Variants in ZHX2 observed in about 807,000 individuals in gnomAD.
ZHX2 encodes zinc fingers and homeoboxes 2, also known as zinc fingers and homeoboxes protein 2.
A neutral mutation model predicts 21.9 loss-of-function variants in ZHX2; 6 were observed. The observed-to-expected ratio is 0.27, with a 90% confidence interval of 0.15 to 0.54. The LOEUF is 0.54. ZHX2 is among the 20% of genes least tolerant of loss of function. The pLI, the probability that ZHX2 is intolerant of heterozygous loss-of-function variation, is 0.95. For synonymous variants in ZHX2, 434 were observed against 437.1 expected (o/e 0.99, Z 0.09); for missense variants, 908 against 1,090.7 (o/e 0.83, Z 2.36).
At chr8:122,938,199 C>T (rs1007034595) in intron 2 of ZHX2, among the ~76,000 whole-genome samples, 1 of 152,090 alleles carries the variant, frequency 6.6e-6, no homozygotes, top group Non-Finnish European at 1.5e-5. Context: ...TCCCAAAGTG[C>T]CGGGATTACA....
At chr8:122,845,854 C>G (rs1818738933) in intron 1 of ZHX2, among the ~76,000 whole-genome samples, 1 of 152,226 alleles carries the variant, frequency 6.6e-6, no homozygotes, top group Non-Finnish European at 1.5e-5. Flanking sequence ...GAAAGAGCCA[C>G]AACACATAGG....
chr8:122,949,636 G>C (rs4870832), intron 2 of ZHX2, among the ~76,000 whole-genome samples: 1 of 151,962 alleles, frequency 6.6e-6, no homozygotes, highest in Non-Finnish European at 1.5e-5. Context: ...TTGAGCCCAG[G>C]TGTTGGAGAC....
At chr8:122,943,759 G>A (rs1472192647) in intron 2 of ZHX2, among the ~76,000 whole-genome samples, 2 of 152,188 alleles carry the variant, frequency 1.3e-5, no homozygotes, top group Non-Finnish European at 2.9e-5. Flanking sequence ...TGTCTGGTTT[G>A]AGGGTTTGTT....
At chr8:122,945,633 T>C (rs1170719044) in intron 2 of ZHX2, among the ~76,000 whole-genome samples, 2 of 152,120 alleles carry the variant, frequency 1.3e-5, no homozygotes, top group Admixed American at 6.5e-5. Context: ...ATCGTTTCCA[T>C]GTAACATGCA....
intron 2 of ZHX2, among the ~76,000 whole-genome samples, chr8:122,917,751 T>C (rs1307979925): frequency 1.3e-5 from 2 of 152,186 alleles, no homozygotes; most frequent in African/African-American, 4.8e-5. Context: ...AAAAAATCAC[T>C]ATCAAGCCTG....
rs142856612 is a variant in ZHX2 at position 122,880,116 on chromosome 8, G to A, written c.-220+16577G>A. On this transcript the variant is annotated intron_variant, in intron 2 of 3. Coordinates refer to ENST00000314393, the MANE Select transcript of ZHX2 (RefSeq NM_014943.5). Reference sequence around the variant, plus strand: ...GCCTCCCGAGTACCTGGGATTACAGGTGCCGCCACCAAACCTGGCTAATTT... The same window carrying A: ...GCCTCCCGAGTACCTGGGATTACAGATGCCGCCACCAAACCTGGCTAATTT... 8.6e-3 allele frequency among the ~76,000 whole-genome samples: 1,314 copies of A among 151,934 alleles called. 34 individuals carry two copies. Among genetic ancestry groups the A allele is most frequent in the Admixed American group, 0.046 (704 of 15,256 alleles).
intron 1 of ZHX2, among the ~76,000 whole-genome samples, chr8:122,814,673 T>C (rs1817995751): frequency 6.6e-6 from 1 of 152,240 alleles, no homozygotes; most frequent in Non-Finnish European, 1.5e-5. Flanking sequence ...GAGCAGGTTC[T>C]TCTCTAGCTC....
chr8:122,846,799 A>G (rs1937654713), intron 1 of ZHX2, among the ~76,000 whole-genome samples: 1 of 152,114 alleles, frequency 6.6e-6, no homozygotes, highest in Admixed American at 6.6e-5. Flanking sequence ...AACAATAGGC[A>G]TTTGTAGAGT....
At chr8:122,933,866 T>A (rs1812611129) in intron 2 of ZHX2, among the ~76,000 whole-genome samples, 1 of 152,192 alleles carries the variant, frequency 6.6e-6, no homozygotes, top group African/African-American at 2.4e-5. Flanking sequence ...TACACACTAA[T>A]TTCAGCTTTA....
chr8:122,885,426 G>A (rs143562870), intron 2 of ZHX2, among the ~76,000 whole-genome samples: 4 of 152,028 alleles, frequency 2.6e-5, no homozygotes, highest in South Asian at 2.1e-4. Context: ...CCATCGGGAC[G>A]GTGGACACCT....
intron 2 of ZHX2, among the ~76,000 whole-genome samples, chr8:122,929,604 C>T (rs1360572265): frequency 1.3e-5 from 2 of 150,204 alleles, no homozygotes; most frequent in African/African-American, 4.9e-5. Context: ...GATTGTGCAA[C>T]TGTGCTCCAG....
At chr8:122,959,627 A>AT (rs1226498770) in intron 3 of ZHX2, among the ~76,000 whole-genome samples, 1 of 151,934 alleles carries the variant, frequency 6.6e-6, no homozygotes, top group Admixed American at 6.6e-5. Flanking sequence ...GCTTGTCCTC[A>AT]TTTTTTTCCC....
intron 2 of ZHX2, among the ~76,000 whole-genome samples, chr8:122,875,193 A>G (rs1299464028): frequency 1.6e-5 from 1 of 61,446 alleles, no homozygotes; most frequent in African/African-American, 5.8e-5. Flanking sequence ...ATATATATAT[A>G]TCCTTTTACT....
At chr8:122,944,750 G>T (rs1256657472) in intron 2 of ZHX2, among the ~76,000 whole-genome samples, 1 of 152,214 alleles carries the variant, frequency 6.6e-6, no homozygotes, top group Non-Finnish European at 1.5e-5. Context: ...CCATTGAAGG[G>T]TGTCTAGATG....
In ZHX2 at chr8:122,973,292, A is replaced by C. The variant is rs954118360; in HGVS notation, c.*55A>C. On this transcript the variant is annotated 3_prime_UTR_variant, in exon 4 of 4. Coordinates refer to ENST00000314393, the MANE Select transcript of ZHX2 (RefSeq NM_014943.5). ...GATCAACGGGACGCTCCGTCTTTGA[A>C]GAAAGAAGAGATGGTCTCTCCCCAG... The C allele has an allele frequency of 1.3e-5, 2 of 152,698 alleles. No homozygotes were observed. Among genetic ancestry groups the C allele is most frequent in the South Asian group, 4.1e-4 (2 of 4,830 alleles). 9.5% of individuals were successfully genotyped at this position (152,698 alleles called of 1,614,324 possible).
chr8:122,851,188 C>T (rs1236347114), intron 1 of ZHX2, among the ~76,000 whole-genome samples: 3 of 152,016 alleles, frequency 2.0e-5, no homozygotes, highest in East Asian at 1.9e-4. Context: ...GCAGACAGAA[C>T]GGCCAAGATT....
At position 122,951,592 on chromosome 8, in the gene ZHX2, G is replaced by C. The variant is rs1275837535; in HGVS notation, c.82G>C (p.Asp28His). Residue 28 changes from aspartate (D) to histidine (H), a missense_variant, in exon 3 of 4, where the codon GAC becomes CAC. Transcript: ENST00000314393. ...VVEQDVPEEV[D>H]RAKEKGIGTP... ...AGAACAAGATGTGCCCGAGGAAGTA[G>C]ACAGGGCCAAAGAGAAAGGAATCGG... is the stretch of plus-strand genomic sequence containing the variant. The C allele has an allele frequency of 2.5e-6, 4 of 1,613,986 alleles. 1 individual carries two copies. Among genetic ancestry groups the C allele is most frequent in the Middle Eastern group, 1.6e-4 (1 of 6,062 alleles).
Position 122,952,533 on chromosome 8 carries a change from AC to A in ZHX2, c.1028del (p.Pro343ArgfsTer15). 6.2e-7 allele frequency: 1 copy of A among 1,614,044 alleles called. No homozygotes were observed. Among genetic ancestry groups the A allele is most frequent in the Non-Finnish European group, 8.5e-7 (1 of 1,179,984 alleles). ...KMFNGTIQSV[P>X]PTITVLPAQL... ...TGTTCAACGGCACCATCCAGTCAGTACCCCCGACCATCACTGTGCTGCCCGC... is the reference window on the plus strand; with the variant it reads ...TGTTCAACGGCACCATCCAGTCAGTACCCCGACCATCACTGTGCTGCCCGC... On this transcript the variant is annotated frameshift_variant, in exon 3 of 4. Transcript: ENST00000314393. LOFTEE classifies it low-confidence loss of function (END_TRUNC). This position sits in a 1 kb window ranked among gnomAD's most constrained non-coding sequence, Gnocchi z 6.9.
At chr8:122,901,397 G>A (rs1820227251) in intron 2 of ZHX2, among the ~76,000 whole-genome samples, 1 of 152,146 alleles carries the variant, frequency 6.6e-6, no homozygotes, top group Admixed American at 6.5e-5. Context: ...TTTGAGGTGA[G>A]GCCCAGAAAT....
Sources: allele counts gnomAD v4.1 joint callset (sites outside exome capture counted in the v4.1 genomes callset), GRCh38; gene constraint gnomAD v4.1.1; non-coding constraint Gnocchi (gnomAD v3.1); transcripts MANE v1.5; gene names NCBI Gene and HGNC (gene_info 2026-07-23, HGNC 2026-07-21).